DST: variants seen among roughly 807,000 people sequenced by gnomAD.
The protein encoded by DST is bullous pemphigoid antigen.
DST carries 253 observed loss-of-function variants against 875.2 expected under a neutral mutation model. That is an observed-to-expected ratio of 0.29 (90% CI 0.26 to 0.32). DST has a LOEUF of 0.32. Ranked by LOEUF, DST falls within the 10% of genes least tolerant of loss-of-function variation. DST has a pLI of 1.00. For synonymous variants in DST, 3,124 were observed against 3,197.1 expected (o/e 0.98, Z 0.77); for missense variants, 8,287 against 9,111.6 (o/e 0.91, Z 3.68).
At chr6:56,766,119 T>C (rs1034982401) in intron 4 of DST, among the ~76,000 whole-genome samples, 5 of 152,222 alleles carry the variant, frequency 3.3e-5, no homozygotes, top group African/African-American at 9.6e-5. Flanking sequence ...GATTGATTAA[T>C]TGAAGCATGG....
chr6:56,656,743 C>T lies in DST; in HGVS notation c.1215-5499G>A, dbSNP rs117568847. 2.0e-3 allele frequency among the ~76,000 whole-genome samples: 305 copies of T among 152,264 alleles called. 3 individuals carry two copies. The highest frequency in any genetic ancestry group is 0.017 in the Admixed American group (262 of 15,294). On this transcript the variant is annotated intron_variant, in intron 10 of 103. Transcript: ENST00000680361. ...GAGAACTAACTAAACAGTAACACCCCATATGAAGCTGAGAATACATAATAA... is the reference window on the plus strand; with the variant it reads ...GAGAACTAACTAAACAGTAACACCCTATATGAAGCTGAGAATACATAATAA...
chr6:56,674,961 T>C (rs959150577), intron 9 of DST, among the ~76,000 whole-genome samples: 1 of 152,100 alleles, frequency 6.6e-6, no homozygotes, highest in African/African-American at 2.4e-5. Flanking sequence ...CAAAGCAATC[T>C]TGAGCAAAAT....
chr6:56,793,173 C>T (rs1376424909), intron 4 of DST, among the ~76,000 whole-genome samples: 2 of 147,238 alleles, frequency 1.4e-5, no homozygotes, highest in Non-Finnish European at 3.0e-5. Flanking sequence ...TGGGGAAGAG[C>T]TAGAAGTTAA....
At chr6:56,486,177 A>C (rs1004270781) in intron 87 of DST, among the ~76,000 whole-genome samples, 2 of 151,614 alleles carry the variant, frequency 1.3e-5, no homozygotes, top group Admixed American at 6.6e-5. Context: ...TCCCGGCTAA[A>C]ACGGTGAAAC....
At chr6:56,515,404 T>C (rs1472307615) in intron 72 of DST, 46 bp downstream of exon 72, 1 of 1,586,644 alleles carries the variant, frequency 6.3e-7, no homozygotes, top group South Asian at 1.1e-5. Flanking sequence ...AAATCATGAT[T>C]CTCTTTTAAT....
At chr6:56,880,849 T>C (rs1781806625) in intron 3 of DST, among the ~76,000 whole-genome samples, 1 of 124,080 alleles carries the variant, frequency 8.1e-6, no homozygotes, top group East Asian at 2.3e-4. Flanking sequence ...TTTTTTTTTT[T>C]TTTTTTTTTT....
chr6:56,852,925 A>T (rs1765961466), intron 3 of DST, among the ~76,000 whole-genome samples: 1 of 152,046 alleles, frequency 6.6e-6, no homozygotes, highest in African/African-American at 2.4e-5. Context: ...CAAAACACTC[A>T]CCCTAGGTAC....
chr6:56,676,737 T>C (rs1250394117), intron 9 of DST, among the ~76,000 whole-genome samples: 4 of 147,338 alleles, frequency 2.7e-5, no homozygotes, highest in Non-Finnish European at 4.5e-5. Context: ...AACAACAACA[T>C]GGATGAAACT....
intron 59 of DST, among the ~76,000 whole-genome samples, chr6:56,556,971 A>T (rs189265737): frequency 1.3e-5 from 2 of 152,310 alleles, no homozygotes; most frequent in East Asian, 3.9e-4. Context: ...AAACAGTAAA[A>T]AGTATAGACT....
chr6:56,515,735 T>G, intron 71 of DST, 67 bp from the exon 72 acceptor site: 1 of 1,273,092 alleles, frequency 7.9e-7, no homozygotes, highest in Non-Finnish European at 1.1e-6. Context: ...CAGAGTGCTC[T>G]GTCCAGCACA....
intron 10 of DST, among the ~76,000 whole-genome samples, chr6:56,660,408 A>G (rs940106747): frequency 9.2e-5 from 14 of 152,230 alleles, no homozygotes; most frequent in African/African-American, 3.1e-4. Flanking sequence ...TCTATACTAC[A>G]GAACAACCCA....
chr6:56,864,550 C>T (rs1772994613), intron 3 of DST, among the ~76,000 whole-genome samples: 1 of 149,062 alleles, frequency 6.7e-6, no homozygotes, highest in South Asian at 2.1e-4. Context: ...GAGTGCTTCA[C>T]CCAGCCCCAT....
chr6:56,633,978 A>G (rs1254385592), intron 27 of DST, among the ~76,000 whole-genome samples, 154 bp downstream of exon 27: 1 of 152,198 alleles, frequency 6.6e-6, no homozygotes, highest in African/African-American at 2.4e-5. Context: ...CTTATATGCT[A>G]TGGGCATATA....
At chr6:56,882,293 T>C (rs1196013337) in intron 3 of DST, among the ~76,000 whole-genome samples, 2 of 152,220 alleles carry the variant, frequency 1.3e-5, no homozygotes, top group Non-Finnish European at 2.9e-5. Flanking sequence ...AAGGACCCCA[T>C]TGCTTCTGAA....
intron 5 of DST, among the ~76,000 whole-genome samples, chr6:56,721,157 A>C (rs1345388142): frequency 2.2e-5 from 3 of 138,278 alleles, no homozygotes; most frequent in South Asian, 2.2e-4. Context: ...GGCCCCCCCC[A>C]CCTCCCAGAT....
At chr6:56,621,712 C>T (rs1404210705) in intron 36 of DST, among the ~76,000 whole-genome samples, 1 of 152,120 alleles carries the variant, frequency 6.6e-6, no homozygotes, top group Non-Finnish European at 1.5e-5. Flanking sequence ...TTTATAATTA[C>T]AATTTAATTT....
At chr6:56,935,722 T>A (rs1386278698) in intron 2 of DST, among the ~76,000 whole-genome samples, 2 of 152,060 alleles carry the variant, frequency 1.3e-5, no homozygotes, top group African/African-American at 4.8e-5. Context: ...GGTCAAGAGA[T>A]CGAGACCATC....
chr6:56,948,387 G>T (rs1035399236), intron 2 of DST, among the ~76,000 whole-genome samples: 1 of 152,208 alleles, frequency 6.6e-6, no homozygotes, highest in African/African-American at 2.4e-5. Context: ...TGGCAATACA[G>T]TTGACGGTAA....
At chr6:56,622,298 C>A (rs1424960390) in intron 36 of DST, among the ~76,000 whole-genome samples, 1 of 152,060 alleles carries the variant, frequency 6.6e-6, no homozygotes, top group African/African-American at 2.4e-5. Flanking sequence ...CGGCTGGGCA[C>A]GGTGGCTCAT....
Sources: allele counts gnomAD v4.1 joint callset (sites outside exome capture counted in the v4.1 genomes callset), GRCh38; gene constraint gnomAD v4.1.1; transcripts MANE v1.5; gene names NCBI Gene and HGNC (gene_info 2026-07-23, HGNC 2026-07-21).